Variants in CLEC16A observed in about 807,000 individuals in gnomAD.
CLEC16A encodes protein CLEC16A.
Under a neutral mutation model 109.5 loss-of-function variants are expected in CLEC16A, and 51 were observed. That is an observed-to-expected ratio of 0.47 (90% CI 0.37 to 0.59). The LOEUF (loss-of-function observed/expected upper bound fraction) is 0.59, where lower values mean the gene tolerates loss of function less well. Among genes scored for constraint, CLEC16A ranks in the 20% least tolerant of loss-of-function variants. The pLI, the probability that CLEC16A is intolerant of heterozygous loss-of-function variation, is 0.00. For synonymous variants in CLEC16A, 673 were observed against 564.2 expected (o/e 1.19, Z -2.73); for missense variants, 1,339 against 1,394.0 (o/e 0.96, Z 0.63).
chr16:11,058,521 A>T (rs1474094115), intron 18 of CLEC16A, among the ~76,000 whole-genome samples: 1 of 141,584 alleles, frequency 7.1e-6, no homozygotes, highest in African/African-American at 2.9e-5. Flanking sequence ...TACAGATGCA[A>T]CCCTTTTTTT....
intron 11 of CLEC16A, among the ~76,000 whole-genome samples, chr16:11,012,106 A>T (rs1002527810): frequency 6.6e-6 from 1 of 152,210 alleles, no homozygotes; most frequent in Admixed American, 6.5e-5. Flanking sequence ...CATCAAGGAT[A>T]GGTTCTTAGA....
chr16:11,168,125 TATCAAAAATG>T (rs780353152), intron 23 of CLEC16A, among the ~76,000 whole-genome samples: 1 of 152,214 alleles, frequency 6.6e-6, no homozygotes, highest in African/African-American at 2.4e-5. Flanking sequence ...AGACCCACAG[TATCAAAAATG>T]ATCAAAAATG....
chr16:11,090,559 C>T (rs909340439), intron 19 of CLEC16A, among the ~76,000 whole-genome samples: 14 of 152,174 alleles, frequency 9.2e-5, no homozygotes, highest in Non-Finnish European at 1.5e-4. Context: ...CGCAACTCCC[C>T]GCTTACCTAA....
intron 10 of CLEC16A, among the ~76,000 whole-genome samples, chr16:10,998,352 A>T (rs947890030): frequency 5.9e-5 from 9 of 152,176 alleles, no homozygotes; most frequent in African/African-American, 1.9e-4. Flanking sequence ...GTTTCACTGC[A>T]GTCAGCAAAG....
chr16:10,996,014 T>C (rs2044306375), intron 10 of CLEC16A, among the ~76,000 whole-genome samples: 1 of 152,084 alleles, frequency 6.6e-6, no homozygotes. Context: ...ACCTGATGCC[T>C]CTGGCCACCG....
chr16:11,157,754 G>C (rs2054587361), intron 22 of CLEC16A, among the ~76,000 whole-genome samples: 1 of 152,170 alleles, frequency 6.6e-6, no homozygotes, highest in African/African-American at 2.4e-5. Flanking sequence ...TCTGAACCCT[G>C]CTTCCTCAGC....
At chr16:11,062,295 CA>C (rs2048524339) in intron 19 of CLEC16A, among the ~76,000 whole-genome samples, 1 of 152,088 alleles carries the variant, frequency 6.6e-6, no homozygotes, top group Non-Finnish European at 1.5e-5. Context: ...TGTTTTAAAT[CA>C]GCTTTATTAA....
At chr16:11,157,910 A>G (rs556251286) in intron 22 of CLEC16A, among the ~76,000 whole-genome samples, 2 of 152,224 alleles carry the variant, frequency 1.3e-5, no homozygotes, top group Non-Finnish European at 2.9e-5. Flanking sequence ...GCCAGGGTGT[A>G]GGATCCAGAG....
chr16:11,018,374 A>C (rs6498148), intron 11 of CLEC16A, among the ~76,000 whole-genome samples: 20,926 of 151,692 alleles, frequency 0.14, 1,436 homozygotes, highest in African/African-American at 0.15. Context: ...TGAATGATGC[A>C]CCCCAGTCAC....
At chr16:11,008,610 T>C (rs994333062) in intron 11 of CLEC16A, among the ~76,000 whole-genome samples, 11 of 151,700 alleles carry the variant, frequency 7.3e-5, no homozygotes, top group Admixed American at 1.3e-4. Context: ...CCTGCTCCCT[T>C]TTTTTTTCCT....
intron 22 of CLEC16A, among the ~76,000 whole-genome samples, chr16:11,135,826 C>T (rs1302084766): frequency 6.6e-6 from 1 of 152,254 alleles, no homozygotes; most frequent in Non-Finnish European, 1.5e-5. Flanking sequence ...GAGCGGGTGG[C>T]TTGGCCACAC....
intron 22 of CLEC16A, chr16:11,136,133 T>G (rs376924789): frequency 9.8e-5 from 15 of 152,400 alleles, no homozygotes; most frequent in African/African-American, 3.1e-4. Context: ...CCAAAGAGTA[T>G]GGGCCCAAGT....
chr16:11,053,059 T>C (rs1022417696), intron 18 of CLEC16A, among the ~76,000 whole-genome samples: 2 of 151,792 alleles, frequency 1.3e-5, no homozygotes, highest in Non-Finnish European at 2.9e-5. Context: ...CCTAGCTAAT[T>C]TTTAGATGTT....
chr16:10,994,636 G>A (rs759221090), intron 10 of CLEC16A, among the ~76,000 whole-genome samples: 49 of 152,068 alleles, frequency 3.2e-4, no homozygotes, highest in Non-Finnish European at 4.7e-4. Flanking sequence ...CCCAGGAGAC[G>A]GAGGTTGCAG....
intron 22 of CLEC16A, among the ~76,000 whole-genome samples, chr16:11,159,152 C>A (rs2054632791): frequency 6.6e-6 from 1 of 152,212 alleles, no homozygotes; most frequent in South Asian, 2.1e-4. Flanking sequence ...TGTTCTCCTG[C>A]AGCAGCAGTT....
rs1308969700 is a variant in CLEC16A at position 11,123,961 on chromosome 16, C to A, written c.2473+15C>A. On this transcript the variant is annotated intron_variant, in intron 21 of 23. Transcript: ENST00000409790. ...GAGAATAGCTGGTGAGTGGCTGGAC[C>A]CTGGCAGGGCATCCTCTGAGCACTT... 1 of 1,579,990 alleles carries A rather than the reference C, an allele frequency of 6.3e-7. No individual in the cohort carries two copies. Among genetic ancestry groups the A allele is most frequent in the African/African-American group, 1.4e-5 (1 of 73,996 alleles).
chr16:11,060,517 A>G (rs1478701529), intron 18 of CLEC16A, among the ~76,000 whole-genome samples: 1 of 152,130 alleles, frequency 6.6e-6, no homozygotes, highest in East Asian at 1.9e-4. Context: ...CCCTTGCTGG[A>G]AGCATGGCCT....
intron 19 of CLEC16A, among the ~76,000 whole-genome samples, chr16:11,100,161 G>C (rs3862468): frequency 0.5 from 75,341 of 152,046 alleles, 19,590 homozygotes; most frequent in African/African-American, 0.66. Flanking sequence ...GCATCAAGCT[G>C]AAGAAGGTGC....
chr16:11,017,195 C>T (rs890550768), intron 11 of CLEC16A, among the ~76,000 whole-genome samples: 6 of 152,126 alleles, frequency 3.9e-5, no homozygotes, highest in African/African-American at 1.2e-4. Flanking sequence ...CACTCGGGCC[C>T]GCTGCCAAAA....
Sources: allele counts gnomAD v4.1 joint callset (sites outside exome capture counted in the v4.1 genomes callset), GRCh38; gene constraint gnomAD v4.1.1; transcripts MANE v1.5; gene names NCBI Gene and HGNC (gene_info 2026-07-23, HGNC 2026-07-21).